The following OTOGL variants were observed in gnomAD, a reference collection of about 807,000 sequenced individuals.
OTOGL encodes otogelin-like protein.
OTOGL carries 285 observed loss-of-function variants against 318.5 expected under a neutral mutation model. The observed-to-expected ratio is 0.89, with a 90% confidence interval of 0.81 to 0.99. The LOEUF (loss-of-function observed/expected upper bound fraction) is 0.99, where lower values mean the gene tolerates loss of function less well. Ranked by LOEUF, OTOGL falls within the 50% of genes least tolerant of loss-of-function variation. The pLI is 0.00. For missense variants in OTOGL, 2,899 were observed against 2,845.6 expected (o/e 1.02, Z -0.43); for synonymous variants, 987 against 936.5 (o/e 1.05, Z -0.99).
At chr12:80,164,608 C>T (rs762257573) in intron 1 of OTOGL, among the ~76,000 whole-genome samples, 3 of 152,088 alleles carry the variant, frequency 2.0e-5, no homozygotes, top group Admixed American at 6.6e-5. Context: ...CTGACTGTTT[C>T]ATGGCTTTTG....
At chr12:80,212,494 T>C (rs975736072) in intron 4 of OTOGL, among the ~76,000 whole-genome samples, 1 of 152,182 alleles carries the variant, frequency 6.6e-6, no homozygotes, top group Non-Finnish European at 1.5e-5. Flanking sequence ...TAACTTTTTT[T>C]TGGAGGGGCA....
intron 1 of OTOGL, among the ~76,000 whole-genome samples, chr12:80,193,879 C>G (rs1446281255): frequency 6.6e-6 from 1 of 152,158 alleles, no homozygotes; most frequent in Non-Finnish European, 1.5e-5. Flanking sequence ...ATATAGAAAG[C>G]TTGAAGTCAT....
intron 1 of OTOGL, among the ~76,000 whole-genome samples, chr12:80,154,323 A>G (rs1872980628): frequency 6.6e-6 from 1 of 151,990 alleles, no homozygotes; most frequent in Non-Finnish European, 1.5e-5. Flanking sequence ...GGGGGGAAAA[A>G]GAAAGCTTGG....
At chr12:80,359,978 C>T (rs1303570527) in intron 52 of OTOGL, among the ~76,000 whole-genome samples, 1 of 152,154 alleles carries the variant, frequency 6.6e-6, no homozygotes, top group Admixed American at 6.5e-5. Context: ...GGGTTCTAAC[C>T]AAGGATTGCT....
rs1474997654 is a variant in OTOGL, at chr12:80,379,182, C to T, written c.*1134C>T. ...TCTTTGGAAATGCCCAAATTCTTTG[C>T]CACCTATAATTAAAAATTGTCTGAA... On this transcript the variant is annotated 3_prime_UTR_variant, in exon 59 of 59. Transcript: ENST00000547103. 2 of 152,032 alleles carry T rather than the reference C, an allele frequency of 1.3e-5. No homozygotes were observed. Among genetic ancestry groups the T allele is most frequent in the East Asian group, 3.9e-4 (2 of 5,194 alleles). 9.4% of individuals were successfully genotyped at this position (152,032 alleles called of 1,614,324 possible). A position where few individuals can be genotyped will look rare whatever the true frequency, so the allele number is the denominator to read the frequency against.
rs145402106 is a variant in OTOGL at position 80,297,560 on chromosome 12, T to A, written c.3063+599T>A. On this transcript the variant is annotated intron_variant, in intron 27 of 58. Transcript: ENST00000547103. Reference sequence around the variant, plus strand: ...CTTGGTTAGGCTGGTCTCAAACTCCTGACCTCAGGTGATCCACCTGTCTTG... The same window carrying A: ...CTTGGTTAGGCTGGTCTCAAACTCCAGACCTCAGGTGATCCACCTGTCTTG... Among the ~76,000 whole-genome samples the A allele has an allele frequency of 1.9e-3, 287 of 152,338 alleles. 1 individual carries two copies. The highest frequency in any genetic ancestry group is 2.5e-3 in the Non-Finnish European group (168 of 68,020).
At chr12:80,372,250 T>G (rs540244750) in intron 57 of OTOGL, among the ~76,000 whole-genome samples, 186 bp downstream of exon 57, 2 of 152,250 alleles carry the variant, frequency 1.3e-5, no homozygotes, top group South Asian at 4.1e-4. Flanking sequence ...GTCTTTAACT[T>G]AAAGGTTTTT....
At position 80,258,013 on chromosome 12, in the gene OTOGL, T is replaced by C. The variant is rs774099217; in HGVS notation, c.1889+11T>C. The C allele has an allele frequency of 1.3e-5, 21 of 1,567,220 alleles. No individual in the cohort carries two copies. The South Asian group carries it at 2.5e-4, about 18-fold the overall frequency. ...AAGGGATGATTTTCTGTAAGTATGA[T>C]TTCTGCATAGTTAACATACTTAATG... is the stretch of plus-strand genomic sequence containing the variant. On this transcript the variant is annotated intron_variant, in intron 18 of 58. Coordinates refer to ENST00000547103, the MANE Select transcript of OTOGL (RefSeq NM_001378609.3).
chr12:80,150,644 G>T (rs1349628228), intron 1 of OTOGL, among the ~76,000 whole-genome samples: 1 of 152,204 alleles, frequency 6.6e-6, no homozygotes, highest in Non-Finnish European at 1.5e-5. Context: ...CATTCATTGT[G>T]ATTGTCTCAA....
chr12:80,159,122 G>A (rs1873323585), intron 1 of OTOGL, among the ~76,000 whole-genome samples: 1 of 152,006 alleles, frequency 6.6e-6, no homozygotes, highest in Non-Finnish European at 1.5e-5. Flanking sequence ...CTGTTTATGT[G>A]CTGTATCACA....
At chr12:80,300,968 A>G (rs765015653) in intron 27 of OTOGL, among the ~76,000 whole-genome samples, 3 of 152,244 alleles carry the variant, frequency 2.0e-5, no homozygotes, top group Non-Finnish European at 4.4e-5. Flanking sequence ...ATACTGTTCT[A>G]TACAATATAT....
intron 1 of OTOGL, among the ~76,000 whole-genome samples, chr12:80,168,499 G>A (rs11831527): frequency 6.6e-6 from 1 of 152,082 alleles, no homozygotes; most frequent in Non-Finnish European, 1.5e-5. Flanking sequence ...AATGATAAAA[G>A]TCAACTGCTG....
At position 80,313,549 on chromosome 12, in the gene OTOGL, GTT is replaced by G; in HGVS notation, c.3526_3527del (p.Leu1176ValfsTer3). On this transcript the variant is annotated frameshift_variant, in exon 31 of 59. Coordinates refer to ENST00000547103, the MANE Select transcript of OTOGL (RefSeq NM_001378609.3). LOFTEE classifies it high-confidence loss of function. ...TGCAATCTTGGTGGCGACTGTGAGTGTTTGTGCACTAGTATAGCTGCATATGC... is the reference window on the plus strand; with the variant it reads ...TGCAATCTTGGTGGCGACTGTGAGTGTGTGCACTAGTATAGCTGCATATGC... The G allele has an allele frequency of 6.2e-7, 1 of 1,612,412 alleles. No homozygotes were observed. Among genetic ancestry groups the G allele is most frequent in the Non-Finnish European group, 8.5e-7 (1 of 1,178,674 alleles).
At chr12:80,347,138 A>G (rs1889245634) in intron 44 of OTOGL, among the ~76,000 whole-genome samples, 1 of 151,670 alleles carries the variant, frequency 6.6e-6, no homozygotes. Context: ...CTTGACTTAC[A>G]TCTTTTTTTT....
chr12:80,112,145 G>A (rs941057744), intron 1 of OTOGL, among the ~76,000 whole-genome samples: 8 of 152,110 alleles, frequency 5.3e-5, no homozygotes, highest in Non-Finnish European at 8.8e-5. Flanking sequence ...AGGAGTTTTG[G>A]GGCTGAGACT....
At chr12:80,296,747 T>A (rs1004507433) in intron 26 of OTOGL, 80 bp from the exon 27 acceptor site, 1 of 1,103,068 alleles carries the variant, frequency 9.1e-7, no homozygotes, top group African/African-American at 1.6e-5. Context: ...TTGTCAATAT[T>A]TAAGATTTCT....
At chr12:80,181,958 G>T (rs1411065048) in intron 1 of OTOGL, among the ~76,000 whole-genome samples, 1 of 151,982 alleles carries the variant, frequency 6.6e-6, no homozygotes, top group Non-Finnish European at 1.5e-5. Flanking sequence ...GAGTCCGGGA[G>T]GTAAAGACCA....
At chr12:80,327,048 CA>C (rs1887718967) in intron 35 of OTOGL, among the ~76,000 whole-genome samples, 1 of 152,142 alleles carries the variant, frequency 6.6e-6, no homozygotes. Flanking sequence ...GGCAGATGAG[CA>C]AGCCTTTTTA....
At chr12:80,200,262 G>A (rs889090751) in intron 1 of OTOGL, among the ~76,000 whole-genome samples, 10 of 152,162 alleles carry the variant, frequency 6.6e-5, no homozygotes, top group Non-Finnish European at 1.3e-4. Context: ...TTAAGAGTGG[G>A]AGCACAATTT....
Sources: allele counts gnomAD v4.1 joint callset (sites outside exome capture counted in the v4.1 genomes callset), GRCh38; gene constraint gnomAD v4.1.1; transcripts MANE v1.5; gene names NCBI Gene and HGNC (gene_info 2026-07-23, HGNC 2026-07-21).